Variants in ANK1 observed in about 807,000 individuals in gnomAD.
ANK1 encodes ankyrin-1.
Under a neutral mutation model 210.4 loss-of-function variants are expected in ANK1, and 51 were observed. The ratio of observed to expected loss-of-function variants is 0.24; its 90% CI spans 0.19 to 0.31. The LOEUF is 0.31. ANK1 is among the 10% of genes least tolerant of loss of function. The pLI, the probability that ANK1 is intolerant of heterozygous loss-of-function variation, is 1.00. For missense variants in ANK1, 2,051 were observed against 2,504.4 expected (o/e 0.82, Z 3.86); for synonymous variants, 967 against 1,025.9 (o/e 0.94, Z 1.10).
In ANK1 at chr8:41,698,055, T is replaced by C. The variant is rs370732860; in HGVS notation, c.2625A>G (p.Glu875=). ...AGGAGCTTCTCACCTGCTCCTGCTC[T>C]TCTGACCTGATCACCACTGTCTCAG... is the stretch of plus-strand genomic sequence containing the variant. The part of the protein sequence containing the change: ...AMPETVVIRS[E]EQEQASKEYD... Residue 875 remains glutamate, a synonymous_variant, in exon 24 of 43, where the codon GAA becomes GAG. Coordinates refer to ENST00000289734, the MANE Select transcript of ANK1 (RefSeq NM_000037.4). The C allele has an allele frequency of 8.7e-6, 14 of 1,614,022 alleles. No individual in the cohort carries two copies. Among genetic ancestry groups the C allele is most frequent in the Admixed American group, 1.7e-5 (1 of 60,004 alleles).
chr8:41,781,230 C>A (rs182188423), intron 1 of ANK1, among the ~76,000 whole-genome samples: 1 of 152,142 alleles, frequency 6.6e-6, no homozygotes, highest in Non-Finnish European at 1.5e-5. Context: ...GTGGCCCATG[C>A]ACCCCAAAGC....
chr8:41,893,899 C>T (rs183468328), intron 1 of ANK1, among the ~76,000 whole-genome samples: 2 of 152,318 alleles, frequency 1.3e-5, no homozygotes, highest in African/African-American at 4.8e-5. Context: ...AGTTAGACTT[C>T]ACCTTATATG....
In ANK1 at chr8:41,668,574, A is replaced by G. The variant is rs971892118; in HGVS notation, c.5097-10T>C. 3 of 1,608,650 alleles carry G rather than the reference A, an allele frequency of 1.9e-6. No homozygotes were observed. In the South Asian group the frequency reaches 3.3e-5, roughly 18 times the overall value. On this transcript the variant is annotated splice_polypyrimidine_tract_variant and intron_variant, in intron 38 of 42. Transcript: ENST00000289734. ...ATCCCAGTCCTGCAGTCTGGGGTCC[A>G]GAAGAAGCAGCAGATGGCCGGCCGG...
intron 1 of ANK1, among the ~76,000 whole-genome samples, chr8:41,766,583 G>C (rs1343657704): frequency 6.6e-6 from 1 of 152,184 alleles, no homozygotes; most frequent in African/African-American, 2.4e-5. Context: ...AAACCCCTGG[G>C]GTTCCCTGTG....
chr8:41,805,179 TTCTTTC>T (rs1007235191), intron 1 of ANK1, among the ~76,000 whole-genome samples: 13 of 150,952 alleles, frequency 8.6e-5, no homozygotes, highest in African/African-American at 3.2e-4. Context: ...CTTTCTTTCT[TTCTTTC>T]TCTCTCTCTG....
rs775089882 is a variant in ANK1 at position 41,696,722 on chromosome 8, C to T, written c.2689G>A (p.Glu897Lys). The T allele has an allele frequency of 4.4e-6, 7 of 1,602,342 alleles. No homozygotes were observed. Among genetic ancestry groups the T allele is most frequent in the Admixed American group, 1.7e-5 (1 of 59,992 alleles). The change falls in exon 25 of 43, where the codon GAG becomes AAG. Residue 897 changes from glutamate to lysine, a missense_variant. Physicochemically the swap from Glu to Lys is moderately conservative, Grantham distance 56. Coordinates refer to ENST00000289734, the MANE Select transcript of ANK1 (RefSeq NM_000037.4). ...DSLIPSSPAT[E>K]TSDNISPVAS... ...ACCGGGCTGATGTTGTCTGAGGTCT[C>T]GGTGGCCGGGCTGCTGGGGATGAGG...
chr8:41,846,381 G>A (rs1013751381), intron 1 of ANK1, among the ~76,000 whole-genome samples: 1 of 152,236 alleles, frequency 6.6e-6, no homozygotes, highest in African/African-American at 2.4e-5. Context: ...CCACAGAACA[G>A]AGCACCAGAT....
chr8:41,845,632 A>T (rs1809872285), intron 1 of ANK1, among the ~76,000 whole-genome samples: 1 of 151,854 alleles, frequency 6.6e-6, no homozygotes, highest in Non-Finnish European at 1.5e-5. Flanking sequence ...AGTTGCACCC[A>T]CTCTGTTAGT....
intron 23 of ANK1, 45 bp downstream of exon 23, chr8:41,699,407 T>C (rs1200276944): frequency 5.1e-6 from 8 of 1,556,236 alleles, no homozygotes; most frequent in Non-Finnish European, 7.1e-6. Context: ...AGCCACAGGG[T>C]TGCATCTCGG....
rs534546446 is a variant in ANK1, at chr8:41,698,790, C to A, written c.2558+662G>T. Among the ~76,000 whole-genome samples, 10 of 145,852 alleles carry A rather than the reference C, an allele frequency of 6.9e-5. No homozygotes were observed. In the South Asian group the frequency reaches 2.2e-3, roughly 33 times the overall value. On this transcript the variant is annotated intron_variant, in intron 23 of 42. Transcript: ENST00000289734. ...CCTGGCAATAGTTTCTAATGTGAAT[C>A]TTCCTCAACAATTTTTTTTTTTTGA...
At chr8:41,723,496 C>A in intron 8 of ANK1, 39 bp downstream of exon 8, 1 of 1,595,982 alleles carries the variant, frequency 6.3e-7, no homozygotes, top group South Asian at 1.1e-5. Flanking sequence ...GGGGGGACCT[C>A]CCTCCCCCTG....
chr8:41,824,817 G>A (rs1235900981), intron 1 of ANK1, among the ~76,000 whole-genome samples: 2 of 152,172 alleles, frequency 1.3e-5, no homozygotes, highest in Admixed American at 6.6e-5. Context: ...CTAGCTCCCC[G>A]GGATGTGCCT....
intron 20 of ANK1, among the ~76,000 whole-genome samples, chr8:41,702,460 A>G (rs1225695770): frequency 1.3e-5 from 2 of 152,198 alleles, no homozygotes; most frequent in Admixed American, 1.3e-4. Context: ...GTGGGAACCC[A>G]CTGGGAAGGA....
At chr8:41,683,509 C>T (rs1816765343) in intron 37 of ANK1, among the ~76,000 whole-genome samples, 1 of 152,232 alleles carries the variant, frequency 6.6e-6, no homozygotes, top group Admixed American at 6.5e-5. Flanking sequence ...CACCCTCAGC[C>T]TGGGCGTGGC....
chr8:41,841,516 G>A (rs1587356926), intron 1 of ANK1, among the ~76,000 whole-genome samples: 1 of 152,144 alleles, frequency 6.6e-6, no homozygotes, highest in Admixed American at 6.5e-5. Flanking sequence ...CATTTGTTGG[G>A]AGGATGACTC....
intron 1 of ANK1, among the ~76,000 whole-genome samples, chr8:41,791,769 A>T (rs1563780858): frequency 2.6e-5 from 4 of 152,170 alleles, no homozygotes; most frequent in African/African-American, 9.7e-5. Flanking sequence ...CATTTCCCAC[A>T]TCTGGAAAGG....
intron 37 of ANK1, among the ~76,000 whole-genome samples, chr8:41,683,120 A>G (rs1420828101): frequency 6.9e-6 from 1 of 145,874 alleles, no homozygotes; most frequent in African/African-American, 2.8e-5. Context: ...ACACATACGC[A>G]CACACACAAG....
chr8:41,827,532 G>C lies in ANK1; in HGVS notation c.126+68823C>G, dbSNP rs528936911. ...GTAATGGCCTTTAAAAGGAAATGTA[G>C]GTTAGACAGGATTGCAAGTTAACTA... On this transcript the variant is annotated intron_variant, in intron 1 of 42. Transcript: ENST00000265709. Among the ~76,000 whole-genome samples the C allele has an allele frequency of 4.0e-4, 61 of 152,248 alleles. 2 individuals are homozygous for C. The South Asian group carries it at 0.012, about 31-fold the overall frequency.
Position 41,751,356 on chromosome 8 carries a change from G to A in ANK1, c.129+6680C>T, listed in dbSNP as rs1305300025. 3.3e-5 allele frequency among the ~76,000 whole-genome samples: 5 copies of A among 152,162 alleles called. No homozygotes were observed. The East Asian group carries it at 9.6e-4, about 29-fold the overall frequency. Reference sequence around the variant, plus strand: ...CATGGGTTTTGCCTCACTGCGGCTTGGAGCCCACCAGGAGAGGGAAGACCT... The same window carrying A: ...CATGGGTTTTGCCTCACTGCGGCTTAGAGCCCACCAGGAGAGGGAAGACCT... On this transcript the variant is annotated intron_variant, in intron 2 of 42. Coordinates refer to ENST00000289734, the MANE Select transcript of ANK1 (RefSeq NM_000037.4).
Sources: gnomAD v4.1 joint callset for allele counts (sites outside exome capture counted in the v4.1 genomes callset) on GRCh38, gnomAD v4.1.1 for gene constraint, MANE v1.5 for transcripts, NCBI Gene and HGNC (gene_info 2026-07-23, HGNC 2026-07-21) for gene names.